FHL3: variants seen among roughly 807,000 people sequenced by gnomAD.
FHL3 encodes four and a half LIM domains protein 3.
Under a neutral mutation model 34.3 loss-of-function variants are expected in FHL3, and 21 were observed. The ratio of observed to expected loss-of-function variants is 0.61; its 90% CI spans 0.43 to 0.88. FHL3 has a LOEUF of 0.88. Among genes scored for constraint, FHL3 ranks in the 40% least tolerant of loss-of-function variants. The probability of loss-of-function intolerance (pLI) is 0.00; values close to 1 mark genes in which losing one functional copy is unlikely to be tolerated. For synonymous variants in FHL3, 137 were observed against 144.6 expected, an observed-to-expected ratio of 0.95 and a Z score of 0.38; for missense variants, 333 against 373.7, an observed-to-expected ratio of 0.89 and a Z score of 0.90.
chr1:37,999,565 T>C, intron 1 of FHL3, 133 bp from the exon 2 acceptor site: 1 of 783,410 alleles, frequency 1.3e-6, no homozygotes, highest in South Asian at 1.8e-5. Context: ...TAGGTGGGGA[T>C]GGGGAAGGGG....
chr1:37,998,044 A>T lies in FHL3; in HGVS notation c.420T>A (p.Ser140=), dbSNP rs769060688. The T allele has an allele frequency of 6.2e-7, 1 of 1,614,146 alleles. No homozygotes were observed. The highest frequency in any genetic ancestry group is 8.5e-7 in the Non-Finnish European group (1 of 1,180,010). ...AGTGAGCACCCTTGTCGGGCACAAA[A>T]GAACGGGAGCCCAGTGGCTGTTCAC... ...SGCEQPLGSR[S]FVPDKGAHYC... The change falls in exon 4 of 6, where the codon TCT becomes TCA. Residue 140 remains serine (S), a synonymous_variant. Transcript: ENST00000373016.
chr1:37,998,223 T>C, intron 3 of FHL3, 91 bp from the exon 4 acceptor site: 1 of 1,174,230 alleles, frequency 8.5e-7, no homozygotes, highest in Non-Finnish European at 1.2e-6. Context: ...CACTCCTCTC[T>C]CAGCGTGAGC....
intron 2 of FHL3, 51 bp downstream of exon 2, chr1:37,999,206 C>T (rs1201145227): frequency 4.5e-5 from 72 of 1,613,858 alleles, no homozygotes; most frequent in Non-Finnish European, 6.0e-5. Context: ...ATCCTTTGCC[C>T]CCTTCCACTG....
intron 1 of FHL3, among the ~76,000 whole-genome samples, chr1:38,003,316 G>GTGGT (rs1309094463): frequency 2.0e-5 from 3 of 152,156 alleles, no homozygotes; most frequent in African/African-American, 7.2e-5. Context: ...GTTGCCCAGG[G>GTGGT]TGGTCTTGAA....
Position 37,997,155 on chromosome 1 carries a change from G to C in FHL3, c.*250C>G. 1 of 489,592 alleles carries C rather than the reference G, an allele frequency of 2.0e-6. No homozygotes were observed. Among genetic ancestry groups the C allele is most frequent in the Non-Finnish European group, 3.7e-6 (1 of 272,460 alleles). 30.3% of individuals were successfully genotyped at this position (489,592 alleles called of 1,614,324 possible). The stretch of plus-strand genomic sequence containing the variant: ...TCAGTCTGGGAACCCAGACTGCAGG[G>C]GAGAGGGTGAATTCTGGAGTCCAGG... On this transcript the variant is annotated 3_prime_UTR_variant, in exon 6 of 6. Transcript: ENST00000373016. This position sits in a 1 kb window ranked among gnomAD's most constrained non-coding sequence, Gnocchi z 4.3.
intron 1 of FHL3, among the ~76,000 whole-genome samples, chr1:38,000,435 G>C (rs549634038): frequency 6.6e-6 from 1 of 152,008 alleles, no homozygotes; most frequent in Non-Finnish European, 1.5e-5. Flanking sequence ...CACCTTTTCC[G>C]ATTTCTCAGG....
rs1646568404 is a variant in FHL3 at position 37,999,247 on chromosome 1, C to T, written c.156+10G>A. 2 of 1,614,060 alleles carry T rather than the reference C, an allele frequency of 1.2e-6. No homozygotes were observed. Among genetic ancestry groups the T allele is most frequent in the East Asian group, 2.2e-5 (1 of 44,894 alleles). Reference sequence around the variant, plus strand: ...CACCCACCTCCTGCCTGGCCTGGCCCTCTCCTTACCCTCGAGTCATGCCCG... The same window carrying T: ...CACCCACCTCCTGCCTGGCCTGGCCTTCTCCTTACCCTCGAGTCATGCCCG... On this transcript the variant is annotated intron_variant, in intron 2 of 5. Coordinates refer to ENST00000373016, the MANE Select transcript of FHL3 (RefSeq NM_004468.5).
chr1:37,998,055 CCAGTGG>C lies in FHL3; in HGVS notation c.403_408del (p.Pro135_Leu136del). 1.2e-6 allele frequency: 2 copies of C among 1,614,046 alleles called. No homozygotes were observed. The highest frequency in any genetic ancestry group is 1.7e-6 in the Non-Finnish European group (2 of 1,179,968). On this transcript the variant is annotated inframe_deletion, in exon 4 of 6. Coordinates refer to ENST00000373016, the MANE Select transcript of FHL3 (RefSeq NM_004468.5). The stretch of plus-strand genomic sequence containing the variant: ...TTGTCGGGCACAAAAGAACGGGAGC[CCAGTGG>C]CTGTTCACAGCCACTGCACAGGAAG...
chr1:37,999,128 G>A lies in FHL3; in HGVS notation c.177C>T (p.Arg59=), dbSNP rs989511300. The A allele has an allele frequency of 6.2e-7, 1 of 1,614,078 alleles. No homozygotes were observed. The highest frequency in any genetic ancestry group is 1.3e-5 in the African/African-American group (1 of 74,940). ...HDSRELFYED[R]HFHEGCFRCC... ...AGCGGAAGCAGCCCTCGTGGAAATG[G>A]CGGTCTTCATAGAACAGCTCCTGTG... Residue 59 remains arginine, a synonymous_variant, in exon 3 of 6, where the codon CGC becomes CGT. Transcript: ENST00000373016.
chr1:38,002,783 T>C (rs1646608696), intron 1 of FHL3, among the ~76,000 whole-genome samples: 1 of 151,860 alleles, frequency 6.6e-6, no homozygotes, highest in Non-Finnish European at 1.5e-5. Flanking sequence ...TTTTGTTTTT[T>C]TTTTTTGTTT....
At position 37,998,025 on chromosome 1, in the gene FHL3, C is replaced by A; in HGVS notation, c.439G>T (p.Ala147Ser). The A allele has an allele frequency of 6.2e-7, 1 of 1,614,152 alleles. No homozygotes were observed. Among genetic ancestry groups the A allele is most frequent in the South Asian group, 1.1e-5 (1 of 91,086 alleles). Reference sequence around the variant, plus strand: ...TCATAGCAGGGCACGCAGTAGTGAGCACCCTTGTCGGGCACAAAAGAACGG... The same window carrying A: ...TCATAGCAGGGCACGCAGTAGTGAGAACCCTTGTCGGGCACAAAAGAACGG... ...GSRSFVPDKG[A>S]HYCVPCYENK... The change falls in exon 4 of 6, where the codon GCT (alanine) becomes TCT (serine). Residue 147 changes from alanine to serine, a missense_variant. Transcript: ENST00000373016.
At chr1:37,998,161 G>C in intron 3 of FHL3, 29 bp from the exon 4 acceptor site, 1 of 1,609,292 alleles carries the variant, frequency 6.2e-7, no homozygotes, top group African/African-American at 1.3e-5. Context: ...CCATTTAGAG[G>C]TTGTGTCCCA....
rs185244222 is a variant in FHL3, at chr1:38,003,384, G to A, written c.-21+1973C>T. On this transcript the variant is annotated intron_variant, in intron 1 of 5. Transcript: ENST00000373016. ...CTTCCAAAGTGCTGGGGTTACAGGC[G>A]TGAGCCACTGTGCCCAGCCTGGTCT... 1.2e-3 allele frequency among the ~76,000 whole-genome samples: 181 copies of A among 152,254 alleles called. 1 individual carries two copies. The highest frequency in any genetic ancestry group is 4.2e-3 in the African/African-American group (175 of 41,556).
At position 37,997,486 on chromosome 1, in the gene FHL3, GC is replaced by G. The variant is rs1458980014; in HGVS notation, c.761del (p.Cys254SerfsTer96). On this transcript the variant is annotated frameshift_variant, in exon 6 of 6. Transcript: ENST00000373016. LOFTEE classifies it high-confidence loss of function. The surrounding 1 kb of genome is among the most constrained non-coding windows in gnomAD (Gnocchi z 4.3). ...WHHNCFSCARCSTSLVGQGFV... is the reference protein window; with the variant it reads ...WHHNCFSCARXSTSLVGQGFV... ...AGCCCTGGCCCACCAGGGAGGTAGA[GC>G]AGCGGGCGCAGGAGAAGCAGTTGTG... The G allele has an allele frequency of 6.2e-7, 1 of 1,614,080 alleles. No individual in the cohort carries two copies. The highest frequency in any genetic ancestry group is 1.1e-5 in the South Asian group (1 of 91,086).
chr1:38,005,109 T>G (rs1031051139), intron 1 of FHL3, among the ~76,000 whole-genome samples: 1 of 151,864 alleles, frequency 6.6e-6, no homozygotes, highest in Admixed American at 6.6e-5. Flanking sequence ...ATTTCAAACT[T>G]AGCCCCCTCC....
At chr1:37,998,437 A>G (rs1646557895) in intron 3 of FHL3, among the ~76,000 whole-genome samples, 1 of 152,140 alleles carries the variant, frequency 6.6e-6, no homozygotes, top group East Asian at 1.9e-4. Context: ...CTAAGAGCTA[A>G]GCCCTCATAT....
chr1:37,998,850 T>C, intron 3 of FHL3, 124 bp downstream of exon 3: 2 of 1,006,834 alleles, frequency 2.0e-6, no homozygotes, highest in Non-Finnish European at 2.9e-6. Context: ...ATATACTAAA[T>C]TTCCAGAAAC....
Position 37,999,076 on chromosome 1 carries a change from C to A in FHL3, c.229G>T (p.Asp77Tyr). The A allele has an allele frequency of 6.2e-7, 1 of 1,614,220 alleles. No individual in the cohort carries two copies. Residue 77 changes from aspartate (D) to tyrosine (Y), a missense_variant, in exon 3 of 6, where the codon GAT becomes TAT. Physicochemically the swap from Asp to Tyr is radical, Grantham distance 160. Coordinates refer to ENST00000373016, the MANE Select transcript of FHL3 (RefSeq NM_004468.5). ...RCCRCQRSLA[D>Y]EPFTCQDSEL... Reference sequence around the variant, plus strand: ...CTGTCCTGGCAGGTGAAGGGTTCATCGGCTAGTGAGCGCTGGCAGCGGCAG... The same window carrying A: ...CTGTCCTGGCAGGTGAAGGGTTCATAGGCTAGTGAGCGCTGGCAGCGGCAG...
chr1:37,999,581 C>T (rs544295204), intron 1 of FHL3, 149 bp from the exon 2 acceptor site: 37 of 694,106 alleles, frequency 5.3e-5, no homozygotes, highest in African/African-American at 5.0e-4. Context: ...AGGGGTGCTT[C>T]TGGGAAACCA....
Sources: gnomAD v4.1 joint callset for allele counts (sites outside exome capture counted in the v4.1 genomes callset) on GRCh38, gnomAD v4.1.1 for gene constraint, Gnocchi (gnomAD v3.1) non-coding constraint, MANE v1.5 for transcripts, NCBI Gene and HGNC (gene_info 2026-07-23, HGNC 2026-07-21) for gene names.